The following ZNF385B variants were observed in gnomAD, a reference collection of about 807,000 sequenced individuals.
ZNF385B encodes the protein zinc finger protein 385B.
Under a neutral mutation model 39.2 loss-of-function variants are expected in ZNF385B, and 23 were observed. The observed-to-expected ratio is 0.59, with a 90% CI of 0.42 to 0.83. ZNF385B has a LOEUF of 0.83. ZNF385B is among the 40% of genes least tolerant of loss of function. The pLI, the probability that ZNF385B is intolerant of heterozygous loss-of-function variation, is 0.00. For synonymous variants in ZNF385B, 205 were observed against 222.6 expected (o/e 0.92, Z 0.70); for missense variants, 552 against 598.9 (o/e 0.92, Z 0.82).
chr2:179,586,497 C>A (rs1056635576), intron 3 of ZNF385B, among the ~76,000 whole-genome samples: 1 of 152,036 alleles, frequency 6.6e-6, no homozygotes, highest in African/African-American at 2.4e-5. Context: ...AAATGACTCG[C>A]CTAAGGTCAC....
intron 3 of ZNF385B, among the ~76,000 whole-genome samples, chr2:179,670,291 C>CAA (rs35600247): frequency 0.15 from 15,460 of 100,250 alleles, 1,390 homozygotes; most frequent in South Asian, 0.22. Flanking sequence ...GACTCCGTCT[C>CAA]AAAAAAAAAA....
intron 1 of ZNF385B, among the ~76,000 whole-genome samples, chr2:179,816,487 G>A (rs374224130): frequency 3.3e-5 from 5 of 152,102 alleles, no homozygotes; most frequent in Admixed American, 1.3e-4. Flanking sequence ...TAATGACTTC[G>A]TATTTCACTT....
At chr2:179,482,382 C>T (rs1447707486) in intron 6 of ZNF385B, among the ~76,000 whole-genome samples, 2 of 152,220 alleles carry the variant, frequency 1.3e-5, no homozygotes, top group Non-Finnish European at 2.9e-5. Context: ...CTCTCAGTCT[C>T]CTTTAACAGA....
chr2:179,842,134 C>T (rs1386643322), intron 1 of ZNF385B, among the ~76,000 whole-genome samples: 1 of 152,120 alleles, frequency 6.6e-6, no homozygotes, highest in Non-Finnish European at 1.5e-5. Flanking sequence ...TTGTGAAGTA[C>T]TTGCTCTTTA....
intron 3 of ZNF385B, among the ~76,000 whole-genome samples, chr2:179,729,558 G>C (rs1701248463): frequency 6.6e-6 from 1 of 152,162 alleles, no homozygotes; most frequent in Non-Finnish European, 1.5e-5. Flanking sequence ...TACATTTCAA[G>C]TTGCATTAAT....
chr2:179,800,193 A>T (rs1326456415), intron 1 of ZNF385B, among the ~76,000 whole-genome samples: 2 of 152,252 alleles, frequency 1.3e-5, no homozygotes, highest in East Asian at 3.9e-4. Context: ...TCTATATTTT[A>T]TATTAAGGGA....
At chr2:179,585,061 C>T (rs1281063186) in intron 3 of ZNF385B, among the ~76,000 whole-genome samples, 1 of 152,066 alleles carries the variant, frequency 6.6e-6, no homozygotes, top group Non-Finnish European at 1.5e-5. Flanking sequence ...TGACCTTTGC[C>T]AGAAGTACCT....
chr2:179,514,754 G>A (rs1451566094), intron 5 of ZNF385B, among the ~76,000 whole-genome samples: 2 of 148,684 alleles, frequency 1.3e-5, no homozygotes. Flanking sequence ...ATGAGGAAAG[G>A]GATAGTTTTT....
intron 3 of ZNF385B, among the ~76,000 whole-genome samples, chr2:179,580,255 G>A (rs1297472824): frequency 2.0e-5 from 3 of 152,058 alleles, no homozygotes; most frequent in Non-Finnish European, 1.5e-5. Flanking sequence ...AACTCCCAGG[G>A]TATTCTGTGG....
chr2:179,855,108 G>A lies in ZNF385B; in HGVS notation c.-155+5993C>T, dbSNP rs554772957. ...CAGATGTGTACAGAAAAAAAAAAGTGGAATATGGTCCCCAGTTAATATTGT... is the reference window on the plus strand; with the variant it reads ...CAGATGTGTACAGAAAAAAAAAAGTAGAATATGGTCCCCAGTTAATATTGT... On this transcript the variant is annotated intron_variant, in intron 1 of 9. Coordinates refer to ENST00000410066, the MANE Select transcript of ZNF385B (RefSeq NM_152520.6). Among the ~76,000 whole-genome samples the A allele has an allele frequency of 2.8e-4, 42 of 152,010 alleles. 1 individual carries two copies. In the South Asian group the frequency reaches 8.8e-3, roughly 32 times the overall value.
At chr2:179,563,122 C>T (rs1265961255) in intron 3 of ZNF385B, among the ~76,000 whole-genome samples, 1 of 152,150 alleles carries the variant, frequency 6.6e-6, no homozygotes. Flanking sequence ...TGCATCTCAA[C>T]TCAAAAACCT....
At chr2:179,466,520 G>C (rs142093659) in intron 6 of ZNF385B, among the ~76,000 whole-genome samples, 3,232 of 152,132 alleles carry the variant, frequency 0.021, 60 homozygotes, top group Non-Finnish European at 0.031. Context: ...TCTAGCCCAA[G>C]AACCCATCTC....
chr2:179,616,860 CCAAT>C (rs1249413718), intron 3 of ZNF385B, among the ~76,000 whole-genome samples: 1 of 152,194 alleles, frequency 6.6e-6, no homozygotes, highest in South Asian at 2.1e-4. Flanking sequence ...CGCACCTGGC[CCAAT>C]CAATCAGTTT....
At chr2:179,717,335 G>A (rs1026964921) in intron 3 of ZNF385B, among the ~76,000 whole-genome samples, 4 of 152,136 alleles carry the variant, frequency 2.6e-5, no homozygotes, top group African/African-American at 9.7e-5. Context: ...TAGATTTTAT[G>A]TAAATATTTT....
At chr2:179,857,568 C>A (rs918032970) in intron 1 of ZNF385B, among the ~76,000 whole-genome samples, 1 of 152,146 alleles carries the variant, frequency 6.6e-6, no homozygotes, top group Non-Finnish European at 1.5e-5. Context: ...CAGAGACCTG[C>A]TGTGTTAAGG....
intron 3 of ZNF385B, among the ~76,000 whole-genome samples, chr2:179,607,603 T>C (rs1457004941): frequency 6.6e-6 from 1 of 152,052 alleles, no homozygotes; most frequent in Non-Finnish European, 1.5e-5. Flanking sequence ...AACCTGGAGA[T>C]AGAGGAGGAG....
intron 3 of ZNF385B, among the ~76,000 whole-genome samples, chr2:179,596,696 C>G (rs111722158): frequency 0.013 from 2,008 of 152,260 alleles, 42 homozygotes; most frequent in African/African-American, 0.045. Flanking sequence ...CTTGGCTTTT[C>G]TTTTTCCTAT....
intron 2 of ZNF385B, among the ~76,000 whole-genome samples, chr2:179,770,185 A>G (rs944527416): frequency 6.6e-6 from 1 of 152,118 alleles, no homozygotes; most frequent in African/African-American, 2.4e-5. Context: ...ATGCTCACAT[A>G]GTGCTATGTG....
chr2:179,743,741 G>A (rs923587849), intron 3 of ZNF385B, among the ~76,000 whole-genome samples: 2 of 152,074 alleles, frequency 1.3e-5, no homozygotes, highest in African/African-American at 4.8e-5. Flanking sequence ...ATTGACAAAT[G>A]CATTTCATTT....
Sources: gnomAD v4.1 joint callset for allele counts (sites outside exome capture counted in the v4.1 genomes callset) on GRCh38, gnomAD v4.1.1 for gene constraint, MANE v1.5 for transcripts, NCBI Gene and HGNC (gene_info 2026-07-23, HGNC 2026-07-21) for gene names.